POU2F3: variants seen among roughly 807,000 people sequenced by gnomAD.
The protein encoded by POU2F3 is POU domain, class 2, transcription factor 3.
POU2F3 carries 23 observed loss-of-function variants against 59.2 expected under a neutral mutation model. The observed-to-expected ratio is 0.39, with a 90% CI of 0.28 to 0.55. The LOEUF (loss-of-function observed/expected upper bound fraction) is 0.55, where lower values mean the gene tolerates loss of function less well. POU2F3 is among the 20% of genes least tolerant of loss of function. The pLI is 0.66. For synonymous variants in POU2F3, 190 were observed against 214.6 expected, an observed-to-expected ratio of 0.89 and a Z score of 1.00; for missense variants, 473 against 544.5, an observed-to-expected ratio of 0.87 and a Z score of 1.31.
Position 120,285,156 on chromosome 11 carries a change from T to C in POU2F3, c.133-13109T>C, listed in dbSNP as rs1940734979. ...AAAATAAAACAACTGTATCTGACTCTAAAAAAAGAAATGTTTACTAATCAT... is the reference window on the plus strand; with the variant it reads ...AAAATAAAACAACTGTATCTGACTCCAAAAAAAGAAATGTTTACTAATCAT... On this transcript the variant is annotated intron_variant, in intron 3 of 12. Coordinates refer to ENST00000543440, the MANE Select transcript of POU2F3 (RefSeq NM_014352.4). The surrounding 1 kb of genome is among the most constrained non-coding windows in gnomAD (Gnocchi z 4.3). Among the ~76,000 whole-genome samples the C allele has an allele frequency of 1.3e-5, 2 of 152,172 alleles. No homozygotes were observed. The highest frequency in any genetic ancestry group is 4.8e-5 in the African/African-American group (2 of 41,438).
intron 8 of POU2F3, among the ~76,000 whole-genome samples, 185 bp from the exon 9 acceptor site, chr11:120,307,294 T>C (rs537323877): frequency 2.4e-4 from 37 of 152,288 alleles, no homozygotes; most frequent in African/African-American, 8.7e-4. Context: ...GGAGGGCCTT[T>C]GCCCTGAGCA....
chr11:120,302,469 C>T (rs1282270394), intron 6 of POU2F3, 101 bp downstream of exon 6: 2 of 1,118,308 alleles, frequency 1.8e-6, no homozygotes, highest in African/African-American at 3.1e-5. Context: ...GCACTAACCC[C>T]TCTGGGGAGA....
At chr11:120,240,112 C>G (rs1330365634), upstream of POU2F3, 2 of 1,156,166 alleles carry the variant, frequency 1.7e-6, no homozygotes, top group African/African-American at 3.3e-5. Context: ...CCGGCGGCCC[C>G]CGCCCCGCGC....
intron 10 of POU2F3, among the ~76,000 whole-genome samples, chr11:120,313,063 G>T (rs1941690375): frequency 6.6e-6 from 1 of 152,142 alleles, no homozygotes; most frequent in South Asian, 2.1e-4. Flanking sequence ...AGGCTGGAAT[G>T]GTAGGCAGGG....
In POU2F3 at chr11:120,319,238, T is replaced by G. The variant is rs1941860606; in HGVS notation, c.*846T>G. 1 of 152,608 alleles carries G rather than the reference T, an allele frequency of 6.6e-6. No individual in the cohort carries two copies. The highest frequency in any genetic ancestry group is 6.5e-5 in the Admixed American group (1 of 15,280). The allele number at this position is 152,608 out of a possible 1,614,324, so 9.5% of individuals were successfully genotyped here. On this transcript the variant is annotated 3_prime_UTR_variant, in exon 13 of 13. Coordinates refer to ENST00000543440, the MANE Select transcript of POU2F3 (RefSeq NM_014352.4). ...AACAATGATGGTGGCAAAGTACCTGTATATAGCCCTTTCCCATTTTTTGCA... is the reference window on the plus strand; with the variant it reads ...AACAATGATGGTGGCAAAGTACCTGGATATAGCCCTTTCCCATTTTTTGCA...
intron 2 of POU2F3, chr11:120,256,234 T>C (rs1460681694): frequency 6.6e-6 from 1 of 152,184 alleles, no homozygotes; most frequent in Non-Finnish European, 1.5e-5. Flanking sequence ...GTTCTGACTT[T>C]GGGGTAGTTA....
At chr11:120,315,148 GGAAC>G (rs1941750726) in intron 10 of POU2F3, among the ~76,000 whole-genome samples, 1 of 152,206 alleles carries the variant, frequency 6.6e-6, no homozygotes, top group South Asian at 2.1e-4. Context: ...TTGACACCAG[GGAAC>G]TTCCGGGGCA....
At chr11:120,274,416 C>T (rs928690822) in intron 3 of POU2F3, among the ~76,000 whole-genome samples, 4 of 152,090 alleles carry the variant, frequency 2.6e-5, no homozygotes, top group African/African-American at 9.7e-5. Flanking sequence ...CATGGAGAGA[C>T]CCAGCTTTAA....
At chr11:120,275,688 C>A (rs988840403) in intron 3 of POU2F3, among the ~76,000 whole-genome samples, 3 of 152,142 alleles carry the variant, frequency 2.0e-5, no homozygotes, top group Non-Finnish European at 4.4e-5. Context: ...CCTTGTCCCA[C>A]GTTTCCTGCC....
upstream of POU2F3, chr11:120,236,714 G>C (rs57139584): frequency 9.8e-4 from 1,457 of 1,484,674 alleles, 5 homozygotes; most frequent in African/African-American, 0.012. Flanking sequence ...AGGGGTAAAG[G>C]AGTTCTCTAC....
rs1246300157 is a variant in POU2F3 at position 120,302,528 on chromosome 11, G to A, written c.444+160G>A. On this transcript the variant is annotated intron_variant, in intron 6 of 12. Transcript: ENST00000543440. The stretch of plus-strand genomic sequence containing the variant: ...TGGCACAGGGGAAATCCAAGCTACA[G>A]CAAGTGGGGGGACAATTTACCAAGT... The A allele has an allele frequency of 4.9e-6, 3 of 614,084 alleles. No individual in the cohort carries two copies. In the Admixed American group the frequency reaches 9.9e-5, roughly 20 times the overall value. 38.0% of individuals were successfully genotyped at this position (614,084 alleles called of 1,614,324 possible).
chr11:120,300,765 G>GA (rs35084550), intron 5 of POU2F3: 22,099 of 217,328 alleles, frequency 0.1, 628 homozygotes, highest in South Asian at 0.16. Context: ...CTCTGTCTCT[G>GA]AAAAAAAAAA....
At chr11:120,277,284 C>A (rs1379667305) in intron 3 of POU2F3, among the ~76,000 whole-genome samples, 1 of 151,506 alleles carries the variant, frequency 6.6e-6, no homozygotes, top group African/African-American at 2.4e-5. Flanking sequence ...GAGCCAGACT[C>A]TGTCTCAAAA....
intron 2 of POU2F3, among the ~76,000 whole-genome samples, chr11:120,250,941 C>T (rs1319426711): frequency 6.6e-6 from 1 of 151,742 alleles, no homozygotes; most frequent in Non-Finnish European, 1.5e-5. Flanking sequence ...CGCGCCACTG[C>T]ACTCCAGCCT....
At chr11:120,292,134 G>T (rs1382167144) in intron 3 of POU2F3, among the ~76,000 whole-genome samples, 3 of 152,144 alleles carry the variant, frequency 2.0e-5, no homozygotes, top group Non-Finnish European at 4.4e-5. Flanking sequence ...ATTTCATCTG[G>T]TCTATTTCTC....
chr11:120,261,160 TTGTGTGTGTGTGTGTG>T (rs10579812), intron 2 of POU2F3: 9 of 139,030 alleles, frequency 6.5e-5, no homozygotes, highest in African/African-American at 1.3e-4. Flanking sequence ...TTTTGTTGTT[TTGTGTGTGTGTGTGTG>T]TGTGTGTGTG....
chr11:120,270,358 G>A lies in POU2F3; in HGVS notation c.132+1114G>A, dbSNP rs1452543878. Among the ~76,000 whole-genome samples the A allele has an allele frequency of 2.0e-5, 3 of 152,158 alleles. No individual in the cohort carries two copies. The East Asian group carries it at 5.8e-4, about 29-fold the overall frequency. ...CTCTTAAGTGAATAATTATAATACA[G>A]CCTCATTTATGTTTTACTAGAGGTA... On this transcript the variant is annotated intron_variant, in intron 3 of 12. Transcript: ENST00000543440.
chr11:120,261,985 T>TC (rs1191015710), intron 2 of POU2F3, among the ~76,000 whole-genome samples: 1 of 152,198 alleles, frequency 6.6e-6, no homozygotes, highest in African/African-American at 2.4e-5. Flanking sequence ...ACAGAGTTCT[T>TC]CCTTATGCTG....
At chr11:120,302,536 G>C (rs1247590701) in intron 6 of POU2F3, 168 bp downstream of exon 6, 1 of 599,062 alleles carries the variant, frequency 1.7e-6, no homozygotes, top group East Asian at 3.1e-5. Flanking sequence ...CAGCAAGTGG[G>C]GGGACAATTT....
Sources: gnomAD v4.1 joint callset for allele counts (sites outside exome capture counted in the v4.1 genomes callset) on GRCh38, gnomAD v4.1.1 for gene constraint, Gnocchi (gnomAD v3.1) non-coding constraint, MANE v1.5 for transcripts, NCBI Gene and HGNC (gene_info 2026-07-23, HGNC 2026-07-21) for gene names.